ZC3H14: variants seen among roughly 807,000 people sequenced by gnomAD.
ZC3H14 encodes the protein zinc finger CCCH domain-containing protein 14.
In ZC3H14, 31 loss-of-function variants were observed where a neutral mutation model predicts 92.4. The ratio of observed to expected loss-of-function variants is 0.34; its 90% CI spans 0.25 to 0.45. The LOEUF (loss-of-function observed/expected upper bound fraction) is 0.45, where lower values mean the gene tolerates loss of function less well. ZC3H14 is among the 20% of genes least tolerant of loss of function. The pLI, the probability that ZC3H14 is intolerant of heterozygous loss-of-function variation, is 1.00. For synonymous variants in ZC3H14, 321 were observed against 300.9 expected, an observed-to-expected ratio of 1.07 and a Z score of -0.69; for missense variants, 781 against 897.3, an observed-to-expected ratio of 0.87 and a Z score of 1.66.
chr14:88,575,626 T>C (rs965462521), intron 7 of ZC3H14, among the ~76,000 whole-genome samples: 1 of 151,984 alleles, frequency 6.6e-6, no homozygotes, highest in Non-Finnish European at 1.5e-5. Flanking sequence ...CCTAGAAGTT[T>C]AAGGCTGCAG....
chr14:88,611,908 C>G lies in ZC3H14; in HGVS notation c.*157C>G. The G allele has an allele frequency of 9.7e-7, 1 of 1,028,286 alleles. No homozygotes were observed. 63.7% of individuals were successfully genotyped at this position (1,028,286 alleles called of 1,614,324 possible). The stretch of plus-strand genomic sequence containing the variant: ...TATCTATCTGAAGTGTCTAATTTTT[C>G]AAGTTTGTAAGTTTATTATGTGGTT... On this transcript the variant is annotated 3_prime_UTR_variant, in exon 17 of 17. Coordinates refer to ENST00000251038, the MANE Select transcript of ZC3H14 (RefSeq NM_024824.5).
chr14:88,627,429 A>G lies in ZC3H14; in HGVS notation c.*15678A>G, dbSNP rs1320024736. 1 of 520,928 alleles carries G rather than the reference A, an allele frequency of 1.9e-6. No individual in the cohort carries two copies. Among genetic ancestry groups the G allele is most frequent in the East Asian group, 3.2e-5 (1 of 31,486 alleles). The allele number at this position is 520,928 out of a possible 1,614,324, so 32.3% of individuals were successfully genotyped here. ...TAGCAGTGAATCATTTATAATGCTAATAATGGTTTCATTAATTTATCTGTT... is the reference window on the plus strand; with the variant it reads ...TAGCAGTGAATCATTTATAATGCTAGTAATGGTTTCATTAATTTATCTGTT... On this transcript the variant is annotated 3_prime_UTR_variant, in exon 17 of 17. Coordinates refer to ENST00000251038, the MANE Select transcript of ZC3H14 (RefSeq NM_024824.5).
At chr14:88,606,780 A>G (rs1340863726) in intron 12 of ZC3H14, among the ~76,000 whole-genome samples, 1 of 150,520 alleles carries the variant, frequency 6.6e-6, no homozygotes, top group African/African-American at 2.4e-5. Flanking sequence ...AGTAAAAGAC[A>G]TTGCTGAGTT....
chr14:88,624,726 T>G lies in ZC3H14; in HGVS notation c.*12975T>G. On this transcript the variant is annotated 3_prime_UTR_variant, in exon 17 of 17. Transcript: ENST00000251038. ...ACATTAAGAAAAGTAACTCAACTTG[T>G]AGGACAACTACCTATCCACACCTCA... The G allele has an allele frequency of 2.2e-6, 1 of 451,832 alleles. No individual in the cohort carries two copies. The highest frequency in any genetic ancestry group is 3.9e-6 in the Non-Finnish European group (1 of 253,982). The allele number at this position is 451,832 out of a possible 1,614,324, so 28.0% of individuals were successfully genotyped here.
chr14:88,604,573 C>G (rs1019010924), intron 12 of ZC3H14, among the ~76,000 whole-genome samples: 4 of 151,054 alleles, frequency 2.6e-5, no homozygotes, highest in African/African-American at 9.7e-5. Flanking sequence ...CATATGGCAG[C>G]ACAGATTTTA....
chr14:88,618,647 T>C lies in ZC3H14; in HGVS notation c.*6896T>C. ...ACCTGGGTATACAGTATTGGTACTG[T>C]ACCTGGAGATAACTGCTATCTGCAG... On this transcript the variant is annotated 3_prime_UTR_variant, in exon 17 of 17. Coordinates refer to ENST00000251038, the MANE Select transcript of ZC3H14 (RefSeq NM_024824.5). 1 of 1,612,146 alleles carries C rather than the reference T, an allele frequency of 6.2e-7. No homozygotes were observed. Among genetic ancestry groups the C allele is most frequent in the East Asian group, 2.2e-5 (1 of 44,850 alleles).
chr14:88,578,781 G>GTTTTTTTTTT (rs35101368), intron 9 of ZC3H14, among the ~76,000 whole-genome samples: 66 of 76,850 alleles, frequency 8.6e-4, no homozygotes, highest in African/African-American at 1.2e-3. Context: ...TTGCTTCCAG[G>GTTTTTTTTTT]TTTTTTTTTT....
At chr14:88,584,340 T>G (rs2082244356) in intron 9 of ZC3H14, among the ~76,000 whole-genome samples, 2 of 152,140 alleles carry the variant, frequency 1.3e-5, no homozygotes, top group African/African-American at 2.4e-5. Flanking sequence ...AGCCTAGAAA[T>G]AGTGACAAAA....
Position 88,581,127 on chromosome 14 carries a change from C to G in ZC3H14, c.1279+2987C>G, listed in dbSNP as rs573708684. Among the ~76,000 whole-genome samples, 8 of 152,270 alleles carry G rather than the reference C, an allele frequency of 5.3e-5. No individual in the cohort carries two copies. The South Asian group carries it at 1.5e-3, about 28-fold the overall frequency. On this transcript the variant is annotated intron_variant, in intron 9 of 16. Coordinates refer to ENST00000251038, the MANE Select transcript of ZC3H14 (RefSeq NM_024824.5). ...TCCTGAATTTACATTGGAAATGTTT[C>G]GGAACTCACAGTGTATTTTATATAT... is the stretch of plus-strand genomic sequence containing the variant.
Position 88,563,557 on chromosome 14 carries a change from G to T in ZC3H14, c.37-94G>T. ...CCCCCGCCCGGGGGATCCGAGGTGC[G>T]CGCACCAGCAAAGTGGCCTCAGCCG... On this transcript the variant is annotated intron_variant, in intron 1 of 16. Coordinates refer to ENST00000251038, the MANE Select transcript of ZC3H14 (RefSeq NM_024824.5). 2.5e-6 allele frequency: 4 copies of T among 1,584,724 alleles called. No homozygotes were observed. In the South Asian group the frequency reaches 4.4e-5, roughly 18 times the overall value.
Position 88,616,354 on chromosome 14 carries a change from G to C in ZC3H14, c.*4603G>C. On this transcript the variant is annotated 3_prime_UTR_variant, in exon 17 of 17. Transcript: ENST00000251038. ...GAGCTGTGGAGAGAGTAGGGAGTTA[G>C]CACCGCAGCCAGTGATTAGAATGCT... 2.9e-6 allele frequency: 3 copies of C among 1,028,618 alleles called. No individual in the cohort carries two copies. The South Asian group carries it at 4.2e-5, about 14-fold the overall frequency. The allele number at this position is 1,028,618 out of a possible 1,614,324, so 63.7% of individuals were successfully genotyped here.
intron 2 of ZC3H14, among the ~76,000 whole-genome samples, chr14:88,565,094 A>C (rs1157811623): frequency 6.6e-6 from 1 of 152,212 alleles, no homozygotes; most frequent in Admixed American, 6.5e-5. Flanking sequence ...GCTTCCCAGT[A>C]CTTAAAAAAT....
chr14:88,599,209 C>T (rs923414320), intron 10 of ZC3H14, among the ~76,000 whole-genome samples: 4 of 152,194 alleles, frequency 2.6e-5, no homozygotes, highest in East Asian at 1.9e-4. Context: ...CTTTTACTGC[C>T]AGTTCCTGAG....
chr14:88,566,135 C>T (rs1407504520), intron 2 of ZC3H14, among the ~76,000 whole-genome samples: 1 of 149,552 alleles, frequency 6.7e-6, no homozygotes, highest in African/African-American at 2.5e-5. Context: ...TTGTCTCAGC[C>T]TCCCAGAGTG....
chr14:88,567,789 A>G (rs2079895420), intron 2 of ZC3H14: 1 of 521,386 alleles, frequency 1.9e-6, no homozygotes, highest in Non-Finnish European at 3.6e-6. Flanking sequence ...TGCATGCTCA[A>G]GTTTGACCCT....
rs773207911 is a variant in ZC3H14, at chr14:88,610,911, T to C, written c.2175T>C (p.His725=). The part of the protein sequence containing the change: ...YHPTINVPPR[H]ALKWIRPQTS... ...CCACCATTAATGTCCCACCACGACA[T>C]GCCTTGAAATGGATTCGACCTCAAA... The change falls in exon 16 of 17, where the codon CAT becomes CAC. Residue 725 remains histidine, a synonymous_variant. Transcript: ENST00000251038. 2 of 1,614,070 alleles carry C rather than the reference T, an allele frequency of 1.2e-6. No homozygotes were observed. The highest frequency in any genetic ancestry group is 1.7e-6 in the Non-Finnish European group (2 of 1,180,020).
rs1348930379 is a variant in ZC3H14, at chr14:88,563,043, G to A, written c.-91G>A. On this transcript the variant is annotated 5_prime_UTR_variant, in exon 1 of 17. Transcript: ENST00000251038. ...CCGGGGGCGGAACGGAGGAGGAGGC[G>A]GTGGTGTCCCGGCTGCGGGGTAGGA... 6 of 1,515,884 alleles carry A rather than the reference G, an allele frequency of 4.0e-6. No individual in the cohort carries two copies. The East Asian group carries it at 9.9e-5, about 25-fold the overall frequency. 93.9% of individuals were successfully genotyped at this position (1,515,884 alleles called of 1,614,324 possible). A position where few individuals can be genotyped will look rare whatever the true frequency, so the allele number is the denominator to read the frequency against.
At chr14:88,581,475 C>G (rs1028461916) in intron 9 of ZC3H14, among the ~76,000 whole-genome samples, 1 of 152,046 alleles carries the variant, frequency 6.6e-6, no homozygotes, top group African/African-American at 2.4e-5. Context: ...CCAGGAGAAT[C>G]GCTTGGATCC....
chr14:88,576,871 A>G (rs941733293), intron 8 of ZC3H14, among the ~76,000 whole-genome samples: 7 of 151,876 alleles, frequency 4.6e-5, no homozygotes, highest in African/African-American at 1.2e-4. Flanking sequence ...GCTTACTGCA[A>G]TCTCTGCCTC....
Sources: gnomAD v4.1 joint callset for allele counts (sites outside exome capture counted in the v4.1 genomes callset) on GRCh38, gnomAD v4.1.1 for gene constraint, MANE v1.5 for transcripts, NCBI Gene and HGNC (gene_info 2026-07-23, HGNC 2026-07-21) for gene names.